The following ATP8A2 variants were observed in gnomAD, a reference collection of about 807,000 sequenced individuals.
The protein encoded by ATP8A2 is ATPase phospholipid transporting 8A2.
A neutral mutation model predicts 165.6 loss-of-function variants in ATP8A2; 100 were observed. The observed-to-expected ratio is 0.60, with a 90% CI of 0.51 to 0.71. ATP8A2 has a LOEUF of 0.71. ATP8A2 is among the 30% of genes least tolerant of loss of function. ATP8A2 has a pLI of 0.00. For missense variants in ATP8A2, 1,227 were observed against 1,479.5 expected (o/e 0.83, Z 2.80); for synonymous variants, 543 against 548.8 (o/e 0.99, Z 0.15).
intron 2 of ATP8A2, among the ~76,000 whole-genome samples, chr13:25,497,584 A>G (rs1408717613): frequency 1.3e-5 from 2 of 152,192 alleles, no homozygotes; most frequent in Non-Finnish European, 1.5e-5. Flanking sequence ...TGTTAAGCCA[A>G]CCTAAGCAAA....
chr13:25,688,221 G>A (rs1046556579), intron 24 of ATP8A2, among the ~76,000 whole-genome samples: 1 of 152,136 alleles, frequency 6.6e-6, no homozygotes, highest in Non-Finnish European at 1.5e-5. Flanking sequence ...GTTAATTACA[G>A]GATTTTGTTT....
At chr13:25,552,963 G>A (rs2038868536) in intron 11 of ATP8A2, among the ~76,000 whole-genome samples, 1 of 151,960 alleles carries the variant, frequency 6.6e-6, no homozygotes, top group Non-Finnish European at 1.5e-5. Context: ...AGTAACTATG[G>A]TTTGGAGCCA....
chr13:25,630,042 GCACACCACTCT>G lies in ATP8A2; in HGVS notation c.2211+40346_2211+40356del, dbSNP rs1382797484. On this transcript the variant is annotated intron_variant, in intron 24 of 36. Transcript: ENST00000381655. ...ATTCTTATTATTATATCATGGACAT[GCACACCACTCT>G]CATGCTGTTTAAGACACCTTTTTGT... Among the ~76,000 whole-genome samples, 3 of 150,980 alleles carry G rather than the reference GCACACCACTCT, an allele frequency of 2.0e-5. No individual in the cohort carries two copies. The East Asian group carries it at 5.9e-4, about 30-fold the overall frequency.
At chr13:25,587,612 A>G (rs888376975) in intron 23 of ATP8A2, among the ~76,000 whole-genome samples, 8 of 152,270 alleles carry the variant, frequency 5.3e-5, no homozygotes, top group South Asian at 2.1e-4. Context: ...CTTTTGCATT[A>G]GTTACACTAA....
Position 25,774,955 on chromosome 13 carries a change from T to C in ATP8A2, c.2675T>C (p.Ile892Thr), listed in dbSNP as rs568935525. Reference protein sequence around the residue: ...CFYKNVVLYIIELWFAFVNGF... With the variant: ...CFYKNVVLYITELWFAFVNGF... The stretch of plus-strand genomic sequence containing the variant: ...TATAAGAACGTGGTCCTGTATATTA[T>C]TGAGGTAAGAAGGGGTATTTTTTTT... Residue 892 changes from isoleucine (I) to threonine (T), a missense_variant, in exon 27 of 37, where the codon ATT (isoleucine) becomes ACT (threonine). Ile to Thr is a moderately conservative substitution (Grantham distance 89). Transcript: ENST00000381655. 1.9e-6 allele frequency: 3 copies of C among 1,586,134 alleles called. No individual in the cohort carries two copies. Among genetic ancestry groups the C allele is most frequent in the East Asian group, 2.2e-5 (1 of 44,722 alleles).
rs755369347 is a variant in ATP8A2 at position 25,469,026 on chromosome 13, C to T, written c.126C>T (p.Ser42=). The stretch of plus-strand genomic sequence containing the variant: ...ATAAGAAGGCAGAGGATGAGATGTC[C>T]CGGGCCACGTCTGTTGGAGACCAGC... The part of the protein sequence containing the change: ...LGYKKAEDEM[S]RATSVGDQLE... The change falls in exon 2 of 37, where the codon TCC becomes TCT. Residue 42 remains serine (S), a synonymous_variant. Transcript: ENST00000381655. 1.2e-6 allele frequency: 2 copies of T among 1,613,964 alleles called. No homozygotes were observed. Among genetic ancestry groups the T allele is most frequent in the Non-Finnish European group, 1.7e-6 (2 of 1,179,928 alleles).
intron 33 of ATP8A2, among the ~76,000 whole-genome samples, chr13:25,961,372 T>A (rs1289581551): frequency 6.6e-6 from 1 of 152,154 alleles, no homozygotes; most frequent in Admixed American, 6.5e-5. Context: ...ACTAGAAGAA[T>A]GAAAGTAAGA....
At chr13:25,464,445 C>G (rs1164225974) in intron 1 of ATP8A2, among the ~76,000 whole-genome samples, 1 of 18,154 alleles carries the variant, frequency 5.5e-5, no homozygotes, top group Non-Finnish European at 1.1e-4. Flanking sequence ...TCATCTCTAT[C>G]TAAAAAAAAA....
intron 1 of ATP8A2, among the ~76,000 whole-genome samples, chr13:25,466,648 T>A (rs1458384296): frequency 6.6e-6 from 1 of 152,168 alleles, no homozygotes; most frequent in African/African-American, 2.4e-5. Context: ...TTAGTGATCT[T>A]TAGAAGCAAA....
intron 2 of ATP8A2, among the ~76,000 whole-genome samples, chr13:25,488,385 C>T (rs188366662): frequency 6.6e-6 from 1 of 152,256 alleles, no homozygotes; most frequent in Non-Finnish European, 1.5e-5. Flanking sequence ...TATTTGACTT[C>T]TCCAGGTCCC....
In ATP8A2 at chr13:25,555,549, G is replaced by A. The variant is rs150886820; in HGVS notation, c.1263+481G>A. Reference sequence around the variant, plus strand: ...ACTCCTCTTGCCTTTACTAAGTTGGGCTTTGCATTATGTCTGTGTCTGACA... The same window carrying A: ...ACTCCTCTTGCCTTTACTAAGTTGGACTTTGCATTATGTCTGTGTCTGACA... On this transcript the variant is annotated intron_variant, in intron 13 of 36. Transcript: ENST00000381655. Among the ~76,000 whole-genome samples, 473 of 152,224 alleles carry A rather than the reference G, an allele frequency of 3.1e-3. 7 individuals carry two copies. The highest frequency in any genetic ancestry group is 0.01 in the African/African-American group (425 of 41,540).
chr13:25,994,469 T>C (rs1956455797), intron 35 of ATP8A2, among the ~76,000 whole-genome samples: 1 of 152,122 alleles, frequency 6.6e-6, no homozygotes, highest in African/African-American at 2.4e-5. Flanking sequence ...TTGGGAGAAA[T>C]CATTCAACTT....
chr13:25,971,912 G>A (rs1490661707), intron 35 of ATP8A2, among the ~76,000 whole-genome samples: 1 of 152,054 alleles, frequency 6.6e-6, no homozygotes, highest in Non-Finnish European at 1.5e-5. Flanking sequence ...CCAAGCCAGG[G>A]CACCCCCAGG....
intron 24 of ATP8A2, among the ~76,000 whole-genome samples, chr13:25,623,318 C>G (rs552322798): frequency 3.3e-5 from 5 of 152,200 alleles, no homozygotes; most frequent in Admixed American, 1.3e-4. Flanking sequence ...ATCACTTGAG[C>G]CCAGGAGTTT....
intron 35 of ATP8A2, among the ~76,000 whole-genome samples, chr13:25,974,590 C>T (rs1305002496): frequency 6.6e-6 from 1 of 152,062 alleles, no homozygotes; most frequent in Non-Finnish European, 1.5e-5. Context: ...TCCAGGCTGT[C>T]CCTTCTGCCC....
intron 25 of ATP8A2, among the ~76,000 whole-genome samples, chr13:25,724,293 C>T (rs936487443): frequency 6.6e-6 from 1 of 152,174 alleles, no homozygotes; most frequent in Non-Finnish European, 1.5e-5. Context: ...ACCCAGCACT[C>T]CAGAGAAAGA....
intron 27 of ATP8A2, among the ~76,000 whole-genome samples, chr13:25,778,682 G>A (rs1453781652): frequency 6.6e-6 from 1 of 152,224 alleles, no homozygotes; most frequent in African/African-American, 2.4e-5. Context: ...GATGAATGCT[G>A]CTGCTTCCTG....
chr13:25,912,776 G>A (rs765972179), intron 33 of ATP8A2, among the ~76,000 whole-genome samples: 8 of 152,124 alleles, frequency 5.3e-5, no homozygotes, highest in Non-Finnish European at 2.9e-5. Context: ...TCCAATCAAG[G>A]TTAATGTTTA....
intron 27 of ATP8A2, among the ~76,000 whole-genome samples, chr13:25,820,149 C>T (rs980674102): frequency 3.3e-5 from 5 of 152,132 alleles, no homozygotes; most frequent in African/African-American, 7.2e-5. Flanking sequence ...ACGATGGCAG[C>T]GGGACGTCCA....
Sources: gnomAD v4.1 joint callset for allele counts (sites outside exome capture counted in the v4.1 genomes callset) on GRCh38, gnomAD v4.1.1 for gene constraint, MANE v1.5 for transcripts, NCBI Gene and HGNC (gene_info 2026-07-23, HGNC 2026-07-21) for gene names.